MSRB2: variants seen among roughly 807,000 people sequenced by gnomAD.
MSRB2 encodes the protein methionine-R-sulfoxide reductase B2, mitochondrial.
MSRB2 carries 17 observed loss-of-function variants against 19.0 expected under a neutral mutation model. The observed-to-expected ratio is 0.89, with a 90% CI of 0.61 to 1.34. The LOEUF (loss-of-function observed/expected upper bound fraction) is 1.34. MSRB2 is among the 40% of genes most tolerant of loss of function. The pLI, the probability that MSRB2 is intolerant of heterozygous loss-of-function variation, is 0.00. For synonymous variants in MSRB2, 107 were observed against 99.7 expected, an observed-to-expected ratio of 1.07 and a Z score of -0.44; for missense variants, 208 against 237.6, an observed-to-expected ratio of 0.88 and a Z score of 0.82.
intron 1 of MSRB2, among the ~76,000 whole-genome samples, chr10:23,103,321 C>T (rs1839945666): frequency 6.6e-6 from 1 of 152,328 alleles, no homozygotes; most frequent in African/African-American, 2.4e-5. Context: ...AGTCAGATTA[C>T]TAACCCTTTG....
chr10:23,104,299 A>G, intron 2 of MSRB2, 55 bp downstream of exon 2: 1 of 1,449,538 alleles, frequency 6.9e-7, no homozygotes, highest in Non-Finnish European at 9.6e-7. Context: ...GTGAGGGGCC[A>G]GTTGGAATAG....
intron 3 of MSRB2, among the ~76,000 whole-genome samples, chr10:23,114,460 C>T (rs1840088932): frequency 1.3e-5 from 2 of 152,082 alleles, no homozygotes; most frequent in Admixed American, 1.3e-4. Flanking sequence ...TAGTACTTTG[C>T]AAACAATCCT....
chr10:23,119,259 T>G, intron 3 of MSRB2, 45 bp from the exon 4 acceptor site: 6 of 1,606,374 alleles, frequency 3.7e-6, no homozygotes, highest in Non-Finnish European at 4.3e-6. Flanking sequence ...GGCATGTTAA[T>G]GACAGTGTCA....
At chr10:23,095,962 C>T (rs1839859327) in intron 1 of MSRB2, among the ~76,000 whole-genome samples, 1 of 151,846 alleles carries the variant, frequency 6.6e-6, no homozygotes, top group Non-Finnish European at 1.5e-5. Flanking sequence ...CAAATGATCC[C>T]CCTAAATGTG....
At chr10:23,117,747 T>C (rs556898905) in intron 3 of MSRB2, among the ~76,000 whole-genome samples, 1 of 152,256 alleles carries the variant, frequency 6.6e-6, no homozygotes, top group African/African-American at 2.4e-5. Context: ...TGCACCACCA[T>C]GCCCAGCTAG....
chr10:23,101,718 G>A (rs1468035670), intron 1 of MSRB2, among the ~76,000 whole-genome samples: 1 of 152,198 alleles, frequency 6.6e-6, no homozygotes, highest in Non-Finnish European at 1.5e-5. Context: ...CCAGTGAGAT[G>A]AGTAACTTTG....
At chr10:23,110,761 A>T (rs1840042269) in intron 3 of MSRB2, among the ~76,000 whole-genome samples, 1 of 152,170 alleles carries the variant, frequency 6.6e-6, no homozygotes, top group Non-Finnish European at 1.5e-5. Flanking sequence ...TTATGAGGAT[A>T]GATTCCCCAC....
rs143360346 is a variant in MSRB2, at chr10:23,105,257, G to C, written c.219+1013G>C. Among the ~76,000 whole-genome samples, 536 of 150,280 alleles carry C rather than the reference G, an allele frequency of 3.6e-3. 2 individuals carry two copies. The highest frequency in any genetic ancestry group is 6.5e-3 in the Admixed American group (98 of 15,142). ...GTGTGTGTGTGTATACAAGTTTCTGGGGTACTTGAGAAAATTTGTTACACA... is the reference window on the plus strand; with the variant it reads ...GTGTGTGTGTGTATACAAGTTTCTGCGGTACTTGAGAAAATTTGTTACACA... On this transcript the variant is annotated intron_variant, in intron 2 of 4. Coordinates refer to ENST00000376510, the MANE Select transcript of MSRB2 (RefSeq NM_012228.4).
chr10:23,109,878 T>C (rs1840030233), intron 2 of MSRB2, among the ~76,000 whole-genome samples: 1 of 152,240 alleles, frequency 6.6e-6, no homozygotes, highest in African/African-American at 2.4e-5. Flanking sequence ...GACAGTGGAC[T>C]AGATTCCTGT....
At chr10:23,111,670 G>C (rs1478311388) in intron 3 of MSRB2, among the ~76,000 whole-genome samples, 1 of 152,220 alleles carries the variant, frequency 6.6e-6, no homozygotes, top group African/African-American at 2.4e-5. Flanking sequence ...GCTCTGTCCA[G>C]TAGAACTTCC....
At chr10:23,120,639 T>C (rs1392163596) in intron 4 of MSRB2, 119 bp from the exon 5 acceptor site, 5 of 598,052 alleles carry the variant, frequency 8.4e-6, no homozygotes, top group African/African-American at 1.9e-5. Flanking sequence ...ATAGACTTTT[T>C]CTCCTAACAC....
chr10:23,100,006 G>A (rs1241253157), intron 1 of MSRB2, among the ~76,000 whole-genome samples: 2 of 152,186 alleles, frequency 1.3e-5, no homozygotes, highest in Non-Finnish European at 2.9e-5. Context: ...GGAGACAATA[G>A]GGTTTTTTTC....
chr10:23,119,402 G>T lies in MSRB2; in HGVS notation c.395G>T (p.Arg132Leu), dbSNP rs1411767051. 2 of 1,614,162 alleles carry T rather than the reference G, an allele frequency of 1.2e-6. No homozygotes were observed. The highest frequency in any genetic ancestry group is 1.7e-6 in the Non-Finnish European group (2 of 1,180,024). ...GAAAGCCACACAGGGATCCTGAGAC[G>T]TCTGGATACCTCGTTAGGATCAGCT... ...SDESHTGILRRLDTSLGSART... is the reference protein window; with the variant it reads ...SDESHTGILRLLDTSLGSART... Residue 132 changes from arginine (R) to leucine (L), a missense_variant, in exon 4 of 5, where the codon CGT (arginine) becomes CTT (leucine). By Grantham distance (102) the Arg-to-Leu change is moderately radical. Transcript: ENST00000376510.
At chr10:23,119,247 T>G in intron 3 of MSRB2, 57 bp from the exon 4 acceptor site, 1 of 1,597,426 alleles carries the variant, frequency 6.3e-7, no homozygotes, top group Non-Finnish European at 8.6e-7. Context: ...GGGGCACCTC[T>G]TGGCATGTTA....
intron 2 of MSRB2, among the ~76,000 whole-genome samples, chr10:23,108,447 C>T (rs1840007399): frequency 6.6e-6 from 1 of 151,334 alleles, no homozygotes; most frequent in South Asian, 2.1e-4. Flanking sequence ...TCATCTTCAG[C>T]CCAGGTGGGA....
At chr10:23,119,493 C>G (rs771348696) in intron 4 of MSRB2, 42 bp downstream of exon 4, 3 of 1,596,944 alleles carry the variant, frequency 1.9e-6, no homozygotes, top group South Asian at 2.2e-5. Context: ...GATGCTGCCC[C>G]CAATGCCACA....
At chr10:23,109,599 A>G (rs967254109) in intron 2 of MSRB2, among the ~76,000 whole-genome samples, 2 of 152,084 alleles carry the variant, frequency 1.3e-5, no homozygotes, top group African/African-American at 4.8e-5. Context: ...TGACTTGGCT[A>G]ATTCATTGAC....
chr10:23,112,356 A>C (rs1420484404), intron 3 of MSRB2, among the ~76,000 whole-genome samples: 1 of 152,230 alleles, frequency 6.6e-6, no homozygotes, highest in African/African-American at 2.4e-5. Context: ...TAGAATGGTT[A>C]AGATTGCCAA....
At chr10:23,115,092 G>T (rs973118469) in intron 3 of MSRB2, among the ~76,000 whole-genome samples, 2 of 152,044 alleles carry the variant, frequency 1.3e-5, no homozygotes, top group Non-Finnish European at 2.9e-5. Flanking sequence ...AATGAGTTTG[G>T]TGCACAGTTT....
Sources: allele counts gnomAD v4.1 joint callset (sites outside exome capture counted in the v4.1 genomes callset), GRCh38; gene constraint gnomAD v4.1.1; transcripts MANE v1.5; gene names NCBI Gene and HGNC (gene_info 2026-07-23, HGNC 2026-07-21).